DCAF10: variants seen among roughly 807,000 people sequenced by gnomAD.
DCAF10 encodes DDB1- and CUL4-associated factor 10.
Under a neutral mutation model 51.9 loss-of-function variants are expected in DCAF10, and 19 were observed. The observed-to-expected ratio is 0.37, with a 90% confidence interval of 0.26 to 0.54. The LOEUF is 0.54. Among genes scored for constraint, DCAF10 ranks in the 20% least tolerant of loss-of-function variants. DCAF10 has a pLI of 0.87. For synonymous variants in DCAF10, 291 were observed against 297.1 expected (o/e 0.98, Z 0.21); for missense variants, 510 against 730.6 (o/e 0.70, Z 3.48).
chr9:37,863,316 ACT>A lies in DCAF10; in HGVS notation c.*1811_*1812del, dbSNP rs1156635040. Reference sequence around the variant, plus strand: ...ACTCCAGCCTAGGCGACAGAGCGAGACTCTGTCTCAAAAAAAAAAAAAAAAAA... The same window carrying A: ...ACTCCAGCCTAGGCGACAGAGCGAGACTGTCTCAAAAAAAAAAAAAAAAAA... On this transcript the variant is annotated 3_prime_UTR_variant, in exon 7 of 7. Coordinates refer to ENST00000377724, the MANE Select transcript of DCAF10 (RefSeq NM_024345.5). 1.1e-4 allele frequency: 14 copies of A among 127,886 alleles called. No individual in the cohort carries two copies. Among genetic ancestry groups the A allele is most frequent in the African/African-American group, 4.7e-4 (14 of 29,570 alleles). The allele number at this position is 127,886 out of a possible 1,614,324, so 7.9% of individuals were successfully genotyped here.
chr9:37,808,297 AC>A (rs1341070221), intron 1 of DCAF10, among the ~76,000 whole-genome samples: 3 of 151,006 alleles, frequency 2.0e-5, no homozygotes, highest in Non-Finnish European at 4.4e-5. Context: ...AGTCCTAGCT[AC>A]TCAGGAGGCT....
At chr9:37,812,584 A>C (rs1829382503) in intron 1 of DCAF10, among the ~76,000 whole-genome samples, 2 of 152,348 alleles carry the variant, frequency 1.3e-5, no homozygotes, top group South Asian at 4.1e-4. Flanking sequence ...GGTACAGGAA[A>C]GAATGAAAAG....
chr9:37,842,236 C>G lies in DCAF10; in HGVS notation c.801C>G (p.Leu267=). 1.9e-6 allele frequency: 3 copies of G among 1,613,818 alleles called. No homozygotes were observed. The South Asian group carries it at 3.3e-5, about 18-fold the overall frequency. ...KNIEYDTNTR[L]LVTSGFDGNV... is the part of the protein sequence containing the mutation. The stretch of plus-strand genomic sequence containing the variant: ...TCGAATATGATACTAATACAAGACT[C>G]TTAGTAACATCAGGATTTGATGGAA... The change falls in exon 3 of 7, where the codon CTC becomes CTG. Residue 267 remains leucine (L), a synonymous_variant. Coordinates refer to ENST00000377724, the MANE Select transcript of DCAF10 (RefSeq NM_024345.5).
At chr9:37,814,107 TATATATATATATATATATA>T (rs1178651012) in intron 1 of DCAF10, among the ~76,000 whole-genome samples, 25 of 105,764 alleles carry the variant, frequency 2.4e-4, no homozygotes, top group African/African-American at 3.0e-4. Flanking sequence ...TATATATATA[TATATATATATATATATATA>T]TTTGTTGTTG....
In DCAF10 at chr9:37,863,646, T is replaced by C. The variant is rs1831073267; in HGVS notation, c.*2138T>C. 6.6e-6 allele frequency: 1 copy of C among 152,230 alleles called. No individual in the cohort carries two copies. The highest frequency in any genetic ancestry group is 2.4e-5 in the African/African-American group (1 of 41,464). 9.4% of individuals were successfully genotyped at this position (152,230 alleles called of 1,614,324 possible). A position where few individuals can be genotyped will look rare whatever the true frequency, so the allele number is the denominator to read the frequency against. Reference sequence around the variant, plus strand: ...TGGACACTTTGTCTTTAAGTTGTATTATTGTAAATACCCTTAAACTGGCCA... The same window carrying C: ...TGGACACTTTGTCTTTAAGTTGTATCATTGTAAATACCCTTAAACTGGCCA... On this transcript the variant is annotated 3_prime_UTR_variant, in exon 7 of 7. Transcript: ENST00000377724.
chr9:37,811,851 T>C (rs1019738100), intron 1 of DCAF10, among the ~76,000 whole-genome samples: 1 of 152,062 alleles, frequency 6.6e-6, no homozygotes, highest in Non-Finnish European at 1.5e-5. Flanking sequence ...ACAAAAGACA[T>C]TGTAGATTCA....
intron 2 of DCAF10, among the ~76,000 whole-genome samples, chr9:37,834,828 G>T (rs566378025): frequency 1.4e-5 from 2 of 143,908 alleles, no homozygotes; most frequent in Non-Finnish European, 1.5e-5. Context: ...CACTCATGTC[G>T]CCCAGGCTGG....
chr9:37,809,162 C>T (rs1490209728), intron 1 of DCAF10, among the ~76,000 whole-genome samples: 1 of 149,226 alleles, frequency 6.7e-6, no homozygotes, highest in Non-Finnish European at 1.5e-5. Context: ...ATTCATGGGT[C>T]AAAGGGGAAA....
chr9:37,846,509 AT>A (rs374899978), intron 3 of DCAF10, among the ~76,000 whole-genome samples: 4,476 of 150,666 alleles, frequency 0.03, 93 homozygotes, highest in Non-Finnish European at 0.047. Context: ...TGAATTGGTA[AT>A]TTTTTTTTTA....
At chr9:37,818,955 G>C (rs1478603888) in intron 1 of DCAF10, among the ~76,000 whole-genome samples, 1 of 152,002 alleles carries the variant, frequency 6.6e-6, no homozygotes, top group East Asian at 1.9e-4. Context: ...ATCTTTATAT[G>C]TCTCTTTGTA....
intron 2 of DCAF10, among the ~76,000 whole-genome samples, chr9:37,835,775 T>TA (rs1398603127): frequency 1.3e-5 from 2 of 152,160 alleles, no homozygotes; most frequent in Admixed American, 6.5e-5. Context: ...TCAGTAAAGG[T>TA]AAATCTATAA....
Position 37,861,077 on chromosome 9 carries a change from A to G in DCAF10, c.1312-63A>G. Reference sequence around the variant, plus strand: ...CAATCTGTTGAGCTTTTTAAAAATAAGGAATATCTGTAGCACTATTTGGGC... The same window carrying G: ...CAATCTGTTGAGCTTTTTAAAAATAGGGAATATCTGTAGCACTATTTGGGC... On this transcript the variant is annotated intron_variant, in intron 6 of 6. Transcript: ENST00000377724. This position sits in a 1 kb window ranked among gnomAD's most constrained non-coding sequence, Gnocchi z 4.9. The G allele has an allele frequency of 6.6e-7, 1 of 1,510,646 alleles. No individual in the cohort carries two copies. Among genetic ancestry groups the G allele is most frequent in the Non-Finnish European group, 8.8e-7 (1 of 1,132,548 alleles). The allele number at this position is 1,510,646 out of a possible 1,614,324, so 93.6% of individuals were successfully genotyped here. A position where few individuals can be genotyped will look rare whatever the true frequency, so the allele number is the denominator to read the frequency against.
intron 2 of DCAF10, among the ~76,000 whole-genome samples, chr9:37,820,795 A>G (rs2147246): frequency 0.15 from 23,133 of 152,168 alleles, 1,982 homozygotes; most frequent in East Asian, 0.34. Flanking sequence ...AAAATTTATA[A>G]AGACATATAA....
Position 37,819,380 on chromosome 9 carries a change from A to G in DCAF10, c.632A>G (p.Glu211Gly). 1.2e-6 allele frequency: 2 copies of G among 1,613,376 alleles called. No individual in the cohort carries two copies. The highest frequency in any genetic ancestry group is 1.7e-6 in the Non-Finnish European group (2 of 1,179,538). Residue 211 changes from glutamate to glycine, a missense_variant, in exon 2 of 7, where the codon GAA (glutamate) becomes GGA (glycine). This residue lies in a region of DCAF10 where 126 missense variants were observed against 271.5 expected (regional missense o/e 0.46). Coordinates refer to ENST00000377724, the MANE Select transcript of DCAF10 (RefSeq NM_024345.5). ...KHIKTLSEAH[E>G]DCVNNIRFLD... The stretch of plus-strand genomic sequence containing the variant: ...ATAAAAACACTTTCTGAAGCTCATG[A>G]AGACTGTGTAAATAATATCAGGTTA...
rs767868394 is a variant in DCAF10, at chr9:37,861,095, A to G, written c.1312-45A>G. 12 of 1,565,620 alleles carry G rather than the reference A, an allele frequency of 7.7e-6. No individual in the cohort carries two copies. The African/African-American group carries it at 1.2e-4, about 16-fold the overall frequency. ...AAAAATAAGGAATATCTGTAGCACT[A>G]TTTGGGCTCTGTAACCTTGGTTTGT... On this transcript the variant is annotated intron_variant, in intron 6 of 6. Transcript: ENST00000377724. This position sits in a 1 kb window ranked among gnomAD's most constrained non-coding sequence, Gnocchi z 4.9.
rs371068219 is a variant in DCAF10, at chr9:37,855,827, C to A, written c.1054+845C>A. On this transcript the variant is annotated intron_variant, in intron 4 of 6. Transcript: ENST00000377724. ...GAGTTGAACTCAAGGGTAGCCTGGG[C>A]AACATAGGAAGACCTCATCTCTACA... 7.5e-4 allele frequency among the ~76,000 whole-genome samples: 114 copies of A among 151,952 alleles called. 2 individuals carry two copies. The East Asian group carries it at 0.018, about 24-fold the overall frequency.
chr9:37,804,040 A>G (rs562913364), intron 1 of DCAF10, among the ~76,000 whole-genome samples: 1 of 152,250 alleles, frequency 6.6e-6, no homozygotes, highest in African/African-American at 2.4e-5. Context: ...TTAATAAATT[A>G]TAGTATGTCA....
chr9:37,804,353 C>T (rs919677567), intron 1 of DCAF10, among the ~76,000 whole-genome samples: 3 of 151,920 alleles, frequency 2.0e-5, no homozygotes, highest in Non-Finnish European at 2.9e-5. Context: ...GACATAATAG[C>T]TGAGAACTTT....
chr9:37,819,210 G>A (rs1829634503), intron 1 of DCAF10, 78 bp from the exon 2 acceptor site: 14 of 1,127,726 alleles, frequency 1.2e-5, no homozygotes, highest in Non-Finnish European at 1.7e-5. Flanking sequence ...TATAGCTTGT[G>A]TAATTATAAA....
Sources: allele counts gnomAD v4.1 joint callset (sites outside exome capture counted in the v4.1 genomes callset), GRCh38; gene constraint gnomAD v4.1.1; regional missense constraint gnomAD v4.1.1; non-coding constraint Gnocchi (gnomAD v3.1); transcripts MANE v1.5; gene names NCBI Gene and HGNC (gene_info 2026-07-23, HGNC 2026-07-21).